Variants in ATAD2B observed in about 807,000 individuals in gnomAD.
The protein encoded by ATAD2B is ATPase family AAA domain-containing protein 2B.
In ATAD2B, 40 loss-of-function variants were observed where a neutral mutation model predicts 167.6. The observed-to-expected ratio is 0.24, with a 90% confidence interval of 0.19 to 0.31. ATAD2B has a LOEUF of 0.31. Ranked by LOEUF, ATAD2B falls within the 10% of genes least tolerant of loss-of-function variation. The probability of loss-of-function intolerance (pLI) is 1.00; values close to 1 mark genes in which losing one functional copy is unlikely to be tolerated. For missense variants in ATAD2B, 1,242 were observed against 1,757.2 expected (o/e 0.71, Z 5.24); for synonymous variants, 579 against 596.5 (o/e 0.97, Z 0.43).
At chr2:23,695,330 G>T in the ATAD2B span, among the ~76,000 whole-genome samples, 1 of 152,078 alleles carries the variant, frequency 6.6e-6, no homozygotes, top group South Asian at 2.1e-4. This position sits in a 1 kb window ranked among gnomAD's most constrained non-coding sequence, Gnocchi z 7.6. Flanking sequence ...ACAGCCCCAG[G>T]TGGAGTGAGA....
chr2:23,693,232 G>A, the ATAD2B span: 4 of 1,520,374 alleles, frequency 2.6e-6, no homozygotes, highest in Non-Finnish European at 3.5e-6. Flanking sequence ...CTGCTTCCCG[G>A]GCCTTTGGGT....
At chr2:23,918,651 T>C (rs1573452149) in intron 1 of ATAD2B, among the ~76,000 whole-genome samples, 2 of 152,136 alleles carry the variant, frequency 1.3e-5, no homozygotes, top group South Asian at 4.1e-4. Context: ...CAATTCCAGA[T>C]AGGCAGGTAA....
the ATAD2B span, among the ~76,000 whole-genome samples, chr2:23,733,975 T>C: frequency 6.6e-6 from 1 of 152,232 alleles, no homozygotes; most frequent in African/African-American, 2.4e-5. Context: ...CTTTCTACTG[T>C]TTCCCCTGCC....
chr2:23,688,330 C>T, the ATAD2B span, among the ~76,000 whole-genome samples: 6 of 152,222 alleles, frequency 3.9e-5, no homozygotes, highest in Non-Finnish European at 7.3e-5. Context: ...GCCACCTGCC[C>T]CATGCCTGTC....
At chr2:23,700,585 C>T in the ATAD2B span, among the ~76,000 whole-genome samples, 1 of 152,178 alleles carries the variant, frequency 6.6e-6, no homozygotes, top group Non-Finnish European at 1.5e-5. The surrounding 1 kb of genome is among the most constrained non-coding windows in gnomAD (Gnocchi z 4.6). Flanking sequence ...CAAACCATGA[C>T]GTTTTCCCTA....
At chr2:23,706,631 C>T in the ATAD2B span, 10,852 of 1,533,656 alleles carry the variant, frequency 7.1e-3, 53 homozygotes, top group Non-Finnish European at 8.6e-3. Flanking sequence ...GACACGGCTG[C>T]GTCGTGATAA....
At chr2:23,888,499 T>C in intron 2 of ATAD2B, 100 bp from the exon 3 acceptor site, 2 of 780,604 alleles carry the variant, frequency 2.6e-6, no homozygotes, top group Non-Finnish European at 3.9e-6. Context: ...TAAAACTTTT[T>C]TAAAAGTAAA....
At chr2:23,715,369 C>T in the ATAD2B span, among the ~76,000 whole-genome samples, 8 of 152,028 alleles carry the variant, frequency 5.3e-5, no homozygotes, top group Non-Finnish European at 8.8e-5. Context: ...GTCAGGAGAT[C>T]GAGACCATCC....
rs1675127696 is a variant in ATAD2B at position 23,749,476 on chromosome 2, T to A, written c.*2570A>T. On this transcript the variant is annotated 3_prime_UTR_variant, in exon 28 of 28. Transcript: ENST00000238789. ...TTACAGAAAGGTAAACAAAATTGAG[T>A]CCACTTTTTTAATTTCACAAGCTGC... 2 of 152,100 alleles carry A rather than the reference T, an allele frequency of 1.3e-5. No homozygotes were observed. The highest frequency in any genetic ancestry group is 4.8e-5 in the African/African-American group (2 of 41,420). 9.4% of individuals were successfully genotyped at this position (152,100 alleles called of 1,614,324 possible).
intron 8 of ATAD2B, among the ~76,000 whole-genome samples, chr2:23,873,247 T>C (rs1696280090): frequency 6.6e-6 from 1 of 152,192 alleles, no homozygotes; most frequent in Non-Finnish European, 1.5e-5. Flanking sequence ...GGAGAAAAGT[T>C]GTATTGGTCT....
rs142254426 is a variant in ATAD2B, at chr2:23,841,924, G to A, written c.1569-7846C>T. The stretch of plus-strand genomic sequence containing the variant: ...ACATTTGGGTTATTTCTACTTTTGG[G>A]CTAGTGTGAATAATGCTGCTATGAA... On this transcript the variant is annotated intron_variant, in intron 13 of 27. Transcript: ENST00000238789. Among the ~76,000 whole-genome samples, 25 of 152,200 alleles carry A rather than the reference G, an allele frequency of 1.6e-4. No individual in the cohort carries two copies. The East Asian group carries it at 4.6e-3, about 28-fold the overall frequency.
At chr2:23,860,709 G>C (rs866000032) in intron 12 of ATAD2B, among the ~76,000 whole-genome samples, 1 of 151,796 alleles carries the variant, frequency 6.6e-6, no homozygotes, top group African/African-American at 2.4e-5. Context: ...GGTAACTCAC[G>C]CCTGTAATCC....
At chr2:23,826,023 A>C (rs893779644) in intron 15 of ATAD2B, among the ~76,000 whole-genome samples, 1 of 152,182 alleles carries the variant, frequency 6.6e-6, no homozygotes, top group South Asian at 2.1e-4. Flanking sequence ...ACATTCGCTT[A>C]TAAGTAAGAA....
chr2:23,697,514 CGT>C, the ATAD2B span: 1 of 152,420 alleles, frequency 6.6e-6, no homozygotes, highest in African/African-American at 2.4e-5. Context: ...CACATCTTCC[CGT>C]GGGACATCAT....
intron 8 of ATAD2B, among the ~76,000 whole-genome samples, chr2:23,873,985 G>C (rs1005202271): frequency 6.6e-6 from 1 of 151,762 alleles, no homozygotes; most frequent in Non-Finnish European, 1.5e-5. Flanking sequence ...TCAGAAGTTC[G>C]AGACCAGCCT....
intron 17 of ATAD2B, among the ~76,000 whole-genome samples, chr2:23,812,374 G>A (rs1572866444): frequency 6.6e-6 from 1 of 150,722 alleles, no homozygotes; most frequent in East Asian, 1.9e-4. Flanking sequence ...CAAGAAAAGA[G>A]TGAAACTGAG....
chr2:23,860,230 C>G (rs1035644756), intron 12 of ATAD2B, among the ~76,000 whole-genome samples: 1 of 152,218 alleles, frequency 6.6e-6, no homozygotes, highest in Non-Finnish European at 1.5e-5. Context: ...GTCTCCAGAA[C>G]TATGAGTCAG....
At chr2:23,698,931 A>ACTGT in the ATAD2B span, among the ~76,000 whole-genome samples, 2 of 152,234 alleles carry the variant, frequency 1.3e-5, no homozygotes, top group Non-Finnish European at 2.9e-5. Flanking sequence ...ATAATCTTCC[A>ACTGT]CTGTCTCCCA....
At position 23,911,792 on chromosome 2, in the gene ATAD2B, T is replaced by A. The variant is rs377322219; in HGVS notation, c.216+14763A>T. On this transcript the variant is annotated intron_variant, in intron 1 of 27. Coordinates refer to ENST00000238789, the MANE Select transcript of ATAD2B (RefSeq NM_017552.4). Reference sequence around the variant, plus strand: ...GAGTTCGAGAGCAGCCTGGCCAACATGGTGAAACCTTGTCTCTACTAAAAA... The same window carrying A: ...GAGTTCGAGAGCAGCCTGGCCAACAAGGTGAAACCTTGTCTCTACTAAAAA... Among the ~76,000 whole-genome samples, 6 of 152,018 alleles carry A rather than the reference T, an allele frequency of 3.9e-5. No homozygotes were observed. In the East Asian group the frequency reaches 9.7e-4, roughly 25 times the overall value.
Sources: allele counts gnomAD v4.1 joint callset (sites outside exome capture counted in the v4.1 genomes callset), GRCh38; gene constraint gnomAD v4.1.1; non-coding constraint Gnocchi (gnomAD v3.1); transcripts MANE v1.5; gene names NCBI Gene and HGNC (gene_info 2026-07-23, HGNC 2026-07-21).